The following RREB1 variants were observed in gnomAD, a reference collection of about 807,000 sequenced individuals.
RREB1 encodes the protein ras-responsive element-binding protein 1.
RREB1 carries 27 observed loss-of-function variants against 117.8 expected under a neutral mutation model. The ratio of observed to expected loss-of-function variants is 0.23; its 90% confidence interval spans 0.17 to 0.32. RREB1 has a LOEUF of 0.32. RREB1 is among the 10% of genes least tolerant of loss of function. RREB1 has a pLI of 1.00. For synonymous variants in RREB1, 1,298 were observed against 1,026.7 expected (o/e 1.26, Z -5.05); for missense variants, 2,577 against 2,378.2 (o/e 1.08, Z -1.74).
intron 1 of RREB1, among the ~76,000 whole-genome samples, chr6:7,171,753 A>G (rs1764221302): frequency 6.6e-6 from 1 of 152,148 alleles, no homozygotes; most frequent in Admixed American, 6.5e-5. Flanking sequence ...ACCACGAGCC[A>G]TGGGTCAGTG....
At chr6:7,208,503 C>T (rs948929900) in intron 6 of RREB1, among the ~76,000 whole-genome samples, 1 of 152,232 alleles carries the variant, frequency 6.6e-6, no homozygotes, top group Non-Finnish European at 1.5e-5. Flanking sequence ...CCATGTTGTA[C>T]CCGGTAGCTG....
intron 8 of RREB1, 96 bp from the exon 9 acceptor site, chr6:7,226,371 C>T: frequency 1.1e-6 from 1 of 872,208 alleles, no homozygotes; most frequent in East Asian, 2.9e-5. Context: ...AATGAATCAA[C>T]AAAAACTTAA....
chr6:7,199,259 C>T (rs1349675203), intron 6 of RREB1, among the ~76,000 whole-genome samples: 2 of 152,184 alleles, frequency 1.3e-5, no homozygotes, highest in Non-Finnish European at 2.9e-5. Context: ...GTAACGTTTA[C>T]TCACAAAATC....
intron 5 of RREB1, 50 bp downstream of exon 5, chr6:7,187,573 T>TTA: frequency 2.2e-6 from 2 of 898,472 alleles, no homozygotes; most frequent in Non-Finnish European, 3.0e-6. Flanking sequence ...TTATTTTATT[T>TTA]TATTTTATTT....
chr6:7,153,385 T>C (rs1763212688), intron 1 of RREB1, among the ~76,000 whole-genome samples: 1 of 147,824 alleles, frequency 6.8e-6, no homozygotes, highest in African/African-American at 2.6e-5. Flanking sequence ...CCCTACTCAA[T>C]TAAAGTCAAG....
intron 1 of RREB1, among the ~76,000 whole-genome samples, chr6:7,140,327 C>T (rs1003889658): frequency 6.6e-6 from 1 of 152,142 alleles, no homozygotes; most frequent in African/African-American, 2.4e-5. Flanking sequence ...CGTAATGCAA[C>T]ACTTATCGTG....
rs1335179585 is a variant in RREB1, at chr6:7,229,473, C to T, written c.1374C>T (p.Pro458=). ...CTGACAGCAGCATTGTGGTCAAGCC[C>T]ATCTCTGGCGAGTCGGCCATCGAGC... ...IQPDSSIVVK[P]ISGESAIELA... Residue 458 remains proline, a synonymous_variant, in exon 10 of 13, where the codon CCC becomes CCT. Coordinates refer to ENST00000379938, the MANE Select transcript of RREB1 (RefSeq NM_001003699.4). This position sits in a 1 kb window ranked among gnomAD's most constrained non-coding sequence, Gnocchi z 4.5. 6.2e-7 allele frequency: 1 copy of T among 1,614,052 alleles called. No homozygotes were observed. The highest frequency in any genetic ancestry group is 8.5e-7 in the Non-Finnish European group (1 of 1,180,028).
At chr6:7,242,244 G>A (rs1300023463) in intron 11 of RREB1, among the ~76,000 whole-genome samples, 1 of 152,154 alleles carries the variant, frequency 6.6e-6, no homozygotes, top group Non-Finnish European at 1.5e-5. Flanking sequence ...AACAAAGACT[G>A]GGGCTCCTGC....
chr6:7,196,948 T>C (rs573435656), intron 6 of RREB1, among the ~76,000 whole-genome samples: 1 of 152,340 alleles, frequency 6.6e-6, no homozygotes, highest in Admixed American at 6.5e-5. Flanking sequence ...ATCCAGCTTT[T>C]AACTTCCCAG....
chr6:7,239,527 A>G (rs779808505), intron 10 of RREB1, among the ~76,000 whole-genome samples: 4 of 152,222 alleles, frequency 2.6e-5, no homozygotes, highest in Non-Finnish European at 4.4e-5. Flanking sequence ...TGATGTTTAC[A>G]GCACAAAAGG....
chr6:7,132,909 A>G (rs886751802), intron 1 of RREB1, among the ~76,000 whole-genome samples: 1 of 152,302 alleles, frequency 6.6e-6, no homozygotes, highest in Middle Eastern at 3.4e-3. Flanking sequence ...AGGAAACTTG[A>G]AAATTTGTGA....
intron 8 of RREB1, among the ~76,000 whole-genome samples, chr6:7,221,169 T>C (rs1349842471): frequency 6.6e-6 from 1 of 151,488 alleles, no homozygotes; most frequent in Non-Finnish European, 1.5e-5. Flanking sequence ...TGTTTTTCTT[T>C]TTTTTTTTTT....
At chr6:7,120,813 A>ATTTT (rs754044532) in intron 1 of RREB1, among the ~76,000 whole-genome samples, 7 of 109,650 alleles carry the variant, frequency 6.4e-5, no homozygotes, top group East Asian at 5.0e-4. Context: ...CGCTTGGCTA[A>ATTTT]TTTTTTTTTT....
chr6:7,165,142 A>G (rs1438112632), intron 1 of RREB1, among the ~76,000 whole-genome samples: 1 of 152,222 alleles, frequency 6.6e-6, no homozygotes, highest in East Asian at 1.9e-4. Context: ...TTGGAGCTGC[A>G]ATGGATGCCG....
At chr6:7,218,823 T>A (rs1357024095) in intron 8 of RREB1, 2 of 118,524 alleles carry the variant, frequency 1.7e-5, no homozygotes, top group Non-Finnish European at 3.6e-5. Context: ...TGCAACTTTC[T>A]TTAAAAAAAA....
At chr6:7,127,834 TG>T (rs1440403862) in intron 1 of RREB1, among the ~76,000 whole-genome samples, 1 of 152,138 alleles carries the variant, frequency 6.6e-6, no homozygotes, top group Non-Finnish European at 1.5e-5. Context: ...TGCCCTCATC[TG>T]GGTCACGACT....
Position 7,246,772 on chromosome 6 carries a change from C to G in RREB1, c.4322C>G (p.Ala1441Gly). 1 of 1,553,418 alleles carries G rather than the reference C, an allele frequency of 6.4e-7. No homozygotes were observed. The highest frequency in any genetic ancestry group is 8.7e-7 in the Non-Finnish European group (1 of 1,150,786). Residue 1441 changes from alanine to glycine, a missense_variant, in exon 12 of 13, where the codon GCG becomes GGG. Transcript: ENST00000379938. ...GACGGCGAGGCAGGCGCCGGGGGCGCGGCCTCGCAGGAGCAGAAGCTCGCC... is the reference window on the plus strand; with the variant it reads ...GACGGCGAGGCAGGCGCCGGGGGCGGGGCCTCGCAGGAGCAGAAGCTCGCC... Reference protein sequence around the residue: ...EGDGEAGAGGAASQEQKLACD... With the variant: ...EGDGEAGAGGGASQEQKLACD...
chr6:7,136,676 T>C (rs961577605), intron 1 of RREB1, among the ~76,000 whole-genome samples: 13 of 152,204 alleles, frequency 8.5e-5, no homozygotes, highest in Non-Finnish European at 1.6e-4. Flanking sequence ...GAAGAGGTGA[T>C]TTTTAGGTAT....
chr6:7,182,239 G>T, intron 4 of RREB1, 157 bp downstream of exon 4: 1 of 626,488 alleles, frequency 1.6e-6, no homozygotes, highest in Non-Finnish European at 2.7e-6. Flanking sequence ...AAATTTTTAT[G>T]GCTTATGTTA....
Sources: allele counts gnomAD v4.1 joint callset (sites outside exome capture counted in the v4.1 genomes callset), GRCh38; gene constraint gnomAD v4.1.1; non-coding constraint Gnocchi (gnomAD v3.1); transcripts MANE v1.5; gene names NCBI Gene and HGNC (gene_info 2026-07-23, HGNC 2026-07-21).